Variants in ANO1 observed in about 807,000 individuals in gnomAD.
The protein encoded by ANO1 is anoctamin-1.
In ANO1, 59 loss-of-function variants were observed where a neutral mutation model predicts 124.0. The observed-to-expected ratio is 0.48, with a 90% CI of 0.39 to 0.59. ANO1 has a LOEUF of 0.59. Ranked by LOEUF, ANO1 falls within the 20% of genes least tolerant of loss-of-function variation. ANO1 has a pLI of 0.00. For synonymous variants in ANO1, 529 were observed against 532.0 expected (o/e 0.99, Z 0.08); for missense variants, 1,059 against 1,328.0 (o/e 0.80, Z 3.15).
chr11:69,966,903 C>A, the ANO1 span, among the ~76,000 whole-genome samples: 1 of 152,164 alleles, frequency 6.6e-6, no homozygotes, highest in Non-Finnish European at 1.5e-5. Context: ...CAAACAACCC[C>A]TCCTGAGAAC....
intron 1 of ANO1, among the ~76,000 whole-genome samples, chr11:70,034,174 C>T (rs1221188545): frequency 3.9e-5 from 6 of 152,086 alleles, no homozygotes; most frequent in African/African-American, 1.4e-4. Context: ...AAAATCTTAC[C>T]ATCTGGCCCT....
At chr11:70,135,194 G>GT (rs2046912037) in intron 11 of ANO1, among the ~76,000 whole-genome samples, 1 of 152,042 alleles carries the variant, frequency 6.6e-6, no homozygotes, top group African/African-American at 2.4e-5. Context: ...TCATCCGTCT[G>GT]TTTCCTCTTT....
intron 2 of ANO1, among the ~76,000 whole-genome samples, chr11:70,098,040 G>A (rs890857201): frequency 1.2e-4 from 18 of 152,238 alleles, no homozygotes; most frequent in Non-Finnish European, 2.6e-4. Flanking sequence ...GCCTATTTAT[G>A]GCAGAGAATG....
intron 1 of ANO1, among the ~76,000 whole-genome samples, chr11:70,008,397 T>A (rs1856531466): frequency 6.6e-6 from 1 of 152,216 alleles, no homozygotes; most frequent in African/African-American, 2.4e-5. Flanking sequence ...AGGTCTTTAA[T>A]CCATTTTGAG....
chr11:70,038,647 C>T (rs1857132679), intron 1 of ANO1, among the ~76,000 whole-genome samples: 1 of 152,082 alleles, frequency 6.6e-6, no homozygotes, highest in Admixed American at 6.5e-5. Flanking sequence ...GCCCTGCCAC[C>T]CTATTGCAGT....
At chr11:70,000,322 G>A (rs200381004) in intron 1 of ANO1, among the ~76,000 whole-genome samples, 11 of 5,936 alleles carry the variant, frequency 1.9e-3, no homozygotes, top group East Asian at 0.023. Flanking sequence ...GAGATGGGCC[G>A]GGGGGGGATG....
intron 1 of ANO1, among the ~76,000 whole-genome samples, chr11:70,026,187 T>G (rs1856903594): frequency 6.6e-6 from 1 of 150,754 alleles, no homozygotes; most frequent in African/African-American, 2.4e-5. Flanking sequence ...GTGGTGATGA[T>G]GATGATGGTG....
chr11:70,085,308 C>A, intron 1 of ANO1: 1 of 1,345,630 alleles, frequency 7.4e-7, no homozygotes, highest in Non-Finnish European at 9.8e-7. Context: ...AGCCAGCCCT[C>A]CCCCACCCTT....
chr11:70,079,928 G>T (rs1331052376), intron 1 of ANO1, among the ~76,000 whole-genome samples: 3 of 152,254 alleles, frequency 2.0e-5, no homozygotes, highest in Admixed American at 6.5e-5. Context: ...GCACAGAGCT[G>T]CCAGGAGCAC....
intron 2 of ANO1, among the ~76,000 whole-genome samples, chr11:70,089,530 T>A (rs2044536373): frequency 6.6e-6 from 1 of 152,204 alleles, no homozygotes; most frequent in African/African-American, 2.4e-5. Context: ...GGCATCTGTC[T>A]GGGTCTCCTT....
At chr11:70,171,214 G>T (rs771541253) in intron 22 of ANO1, among the ~76,000 whole-genome samples, 175 bp downstream of exon 22, 1 of 152,140 alleles carries the variant, frequency 6.6e-6, no homozygotes, top group Admixed American at 6.5e-5. Context: ...GTGGAGGCTC[G>T]CTTAGCCCTG....
chr11:70,151,076 C>T (rs755243145), intron 12 of ANO1, among the ~76,000 whole-genome samples: 1 of 152,230 alleles, frequency 6.6e-6, no homozygotes. Context: ...AGATTCGGCA[C>T]CAGCCTTGCT....
intron 1 of ANO1, among the ~76,000 whole-genome samples, chr11:69,997,834 C>T (rs1320995264): frequency 6.6e-6 from 1 of 152,144 alleles, no homozygotes; most frequent in Non-Finnish European, 1.5e-5. Context: ...GAGACGTCTG[C>T]TCCCCCTTTG....
At chr11:69,976,507 TAAAAAAAAAAAAAAAAAAAAAAAAAAAAA>T in the ANO1 span, among the ~76,000 whole-genome samples, 765 of 74,460 alleles carry the variant, frequency 0.01, 38 homozygotes, top group African/African-American at 0.043. Flanking sequence ...ACTCCGTCTC[TAAAAAAAAAAAAAAAAAAAAAAAAAAAAA>T]AAAAAAAAAA....
At chr11:70,124,159 G>A (rs1167776828) in intron 8 of ANO1, among the ~76,000 whole-genome samples, 191 bp from the exon 9 acceptor site, 1 of 152,172 alleles carries the variant, frequency 6.6e-6, no homozygotes, top group African/African-American at 2.4e-5. Context: ...ATCACAAAGA[G>A]CTCACATTCC....
chr11:70,182,756 G>A (rs1203233315), intron 24 of ANO1, 70 bp downstream of exon 24: 8 of 1,305,950 alleles, frequency 6.1e-6, no homozygotes, highest in Admixed American at 3.4e-5. Context: ...GGGTTTGGAC[G>A]GGGCTCAAAT....
chr11:70,111,635 C>T (rs1351859036), intron 6 of ANO1, 72 bp from the exon 7 acceptor site: 4 of 1,472,238 alleles, frequency 2.7e-6, no homozygotes, highest in Non-Finnish European at 3.8e-6. Context: ...GGCCCTGTGA[C>T]CGCTGTGACT....
At chr11:70,041,869 G>A (rs1437118552) in intron 1 of ANO1, among the ~76,000 whole-genome samples, 6 of 152,026 alleles carry the variant, frequency 3.9e-5, no homozygotes, top group African/African-American at 9.7e-5. Flanking sequence ...CCTGCTGTGG[G>A]TTAAACGCAT....
intron 21 of ANO1, among the ~76,000 whole-genome samples, chr11:70,168,807 A>G (rs2048348499): frequency 1.3e-5 from 2 of 152,056 alleles, no homozygotes; most frequent in Non-Finnish European, 2.9e-5. Context: ...TAATTTCACC[A>G]CAAGTGCTGC....
Sources: allele counts gnomAD v4.1 joint callset (sites outside exome capture counted in the v4.1 genomes callset), GRCh38; gene constraint gnomAD v4.1.1; transcripts MANE v1.5; gene names NCBI Gene and HGNC (gene_info 2026-07-23, HGNC 2026-07-21).